EXOC6B: variants seen among roughly 807,000 people sequenced by gnomAD.
EXOC6B encodes exocyst complex component 6B.
EXOC6B carries 54 observed loss-of-function variants against 113.5 expected under a neutral mutation model. That is an observed-to-expected ratio of 0.48 (90% CI 0.38 to 0.60). The LOEUF is 0.60. Among genes scored for constraint, EXOC6B ranks in the 20% least tolerant of loss-of-function variants. The probability of loss-of-function intolerance (pLI) is 0.00; values close to 1 mark genes in which losing one functional copy is unlikely to be tolerated. For synonymous variants in EXOC6B, 357 were observed against 339.0 expected (o/e 1.05, Z -0.58); for missense variants, 797 against 977.5 (o/e 0.82, Z 2.46).
chr2:72,373,263 C>T (rs1169386381), intron 19 of EXOC6B, among the ~76,000 whole-genome samples: 1 of 151,976 alleles, frequency 6.6e-6, no homozygotes, highest in Non-Finnish European at 1.5e-5. Context: ...CCATATTGGC[C>T]TGACTGGTCT....
chr2:72,616,978 G>A (rs568014434), intron 6 of EXOC6B, among the ~76,000 whole-genome samples: 100 of 152,288 alleles, frequency 6.6e-4, no homozygotes, highest in African/African-American at 2.4e-3. Context: ...TAGATACAGT[G>A]GGGATACAGG....
chr2:72,414,451 GAAAA>G (rs138862283), intron 18 of EXOC6B, among the ~76,000 whole-genome samples: 45 of 151,076 alleles, frequency 3.0e-4, no homozygotes, highest in Admixed American at 3.0e-3. Context: ...ATCCACAACG[GAAAA>G]AAAAATTAGT....
intron 16 of EXOC6B, among the ~76,000 whole-genome samples, chr2:72,482,800 A>C (rs559603370): frequency 6.6e-6 from 1 of 152,350 alleles, no homozygotes; most frequent in African/African-American, 2.4e-5. Context: ...AACTAAGAAA[A>C]AGTGTACCTT....
At chr2:72,781,704 T>C (rs80280694) in intron 1 of EXOC6B, among the ~76,000 whole-genome samples, 2,440 of 152,144 alleles carry the variant, frequency 0.016, 82 homozygotes, top group African/African-American at 0.056. Flanking sequence ...GAGGAAATAA[T>C]AGACTCTTAA....
chr2:72,597,247 T>C (rs899798732), intron 6 of EXOC6B, among the ~76,000 whole-genome samples: 1 of 151,512 alleles, frequency 6.6e-6, no homozygotes, highest in Admixed American at 6.6e-5. Context: ...ATGGATTAGG[T>C]TATTATAGTT....
intron 19 of EXOC6B, among the ~76,000 whole-genome samples, chr2:72,339,244 C>T (rs1688885556): frequency 6.6e-6 from 1 of 152,038 alleles, no homozygotes; most frequent in Admixed American, 6.6e-5. Context: ...TTAAAATTGT[C>T]CTTCTTTGAC....
chr2:72,814,726 T>C (rs1477668522), intron 1 of EXOC6B, among the ~76,000 whole-genome samples: 1 of 152,116 alleles, frequency 6.6e-6, no homozygotes, highest in Non-Finnish European at 1.5e-5. Context: ...GCGTGGTGGC[T>C]CACGCCTGTA....
intron 20 of EXOC6B, among the ~76,000 whole-genome samples, chr2:72,209,243 A>AAAGAAAAGAAAAG (rs1680028944): frequency 2.6e-4 from 29 of 110,640 alleles, no homozygotes; most frequent in African/African-American, 1.1e-3. Flanking sequence ...AAAAAAAAAA[A>AAAGAAAAGAAAAG]AAAAGAAAAG....
At chr2:72,493,337 AT>A (rs1342193567) in intron 15 of EXOC6B, among the ~76,000 whole-genome samples, 6 of 93,022 alleles carry the variant, frequency 6.5e-5, no homozygotes, top group African/African-American at 4.8e-4. Context: ...CCCCCCCCGC[AT>A]TTTTACATAG....
chr2:72,564,013 C>T (rs1327574965), intron 7 of EXOC6B, among the ~76,000 whole-genome samples: 12 of 152,154 alleles, frequency 7.9e-5, no homozygotes, highest in Non-Finnish European at 1.3e-4. Flanking sequence ...TGAAGGAAGG[C>T]AGGAAAGAAA....
At chr2:72,190,812 T>TG (rs1418173567) in intron 20 of EXOC6B, among the ~76,000 whole-genome samples, 4 of 152,212 alleles carry the variant, frequency 2.6e-5, no homozygotes, top group Non-Finnish European at 5.9e-5. Flanking sequence ...TTCATGAAAA[T>TG]GCGGTTTTTG....
chr2:72,238,665 A>G (rs1412622907), intron 20 of EXOC6B, among the ~76,000 whole-genome samples: 1 of 152,078 alleles, frequency 6.6e-6, no homozygotes, highest in Non-Finnish European at 1.5e-5. Context: ...GATGCTAAGC[A>G]TTTTGTTCAT....
At chr2:72,465,439 G>A (rs1360768030) in intron 17 of EXOC6B, 100 bp from the exon 18 acceptor site, 1 of 861,300 alleles carries the variant, frequency 1.2e-6, no homozygotes, top group East Asian at 2.7e-5. Context: ...AAGTAACTGG[G>A]AATATAACTG....
At chr2:72,361,857 T>A (rs1000789463) in intron 19 of EXOC6B, among the ~76,000 whole-genome samples, 1 of 152,200 alleles carries the variant, frequency 6.6e-6, no homozygotes, top group Middle Eastern at 3.2e-3. Flanking sequence ...ACTATTCGGA[T>A]ACTGACTTTG....
At chr2:72,205,655 T>C (rs1679794421) in intron 20 of EXOC6B, among the ~76,000 whole-genome samples, 1 of 152,168 alleles carries the variant, frequency 6.6e-6, no homozygotes, top group African/African-American at 2.4e-5. Flanking sequence ...ATTGTTTCTA[T>C]AGTTGGCAAG....
chr2:72,347,874 G>C (rs897686067), intron 19 of EXOC6B, among the ~76,000 whole-genome samples: 2 of 152,070 alleles, frequency 1.3e-5, no homozygotes. Context: ...TAAGATTCTG[G>C]AATGACAAGG....
At position 72,386,253 on chromosome 2, in the gene EXOC6B, G is replaced by A. The variant is rs771601068; in HGVS notation, c.1981-6383C>T. On this transcript the variant is annotated intron_variant, in intron 18 of 21. Transcript: ENST00000272427. ...GTAAAACAGGAACTTATATTTAAAAGAGAAGCAGAGGGCAGAAGTTTAGAA... is the reference window on the plus strand; with the variant it reads ...GTAAAACAGGAACTTATATTTAAAAAAGAAGCAGAGGGCAGAAGTTTAGAA... 6.6e-4 allele frequency among the ~76,000 whole-genome samples: 100 copies of A among 152,098 alleles called. 1 individual carries two copies. Among genetic ancestry groups the A allele is most frequent in the Middle Eastern group, 6.8e-3 (2 of 294 alleles).
At chr2:72,340,442 T>C (rs1240186679) in intron 19 of EXOC6B, among the ~76,000 whole-genome samples, 1 of 152,120 alleles carries the variant, frequency 6.6e-6, no homozygotes, top group Non-Finnish European at 1.5e-5. Context: ...GTATGTAAAA[T>C]AGCAATTTTG....
chr2:72,422,542 G>A (rs541135391), intron 18 of EXOC6B, among the ~76,000 whole-genome samples: 5 of 151,474 alleles, frequency 3.3e-5, no homozygotes, highest in Admixed American at 2.6e-4. Context: ...GCTCTGGTGG[G>A]GCCTTGGAAA....
Sources: allele counts gnomAD v4.1 joint callset (sites outside exome capture counted in the v4.1 genomes callset), GRCh38; gene constraint gnomAD v4.1.1; transcripts MANE v1.5; gene names NCBI Gene and HGNC (gene_info 2026-07-23, HGNC 2026-07-21).